CCL24: variants seen among roughly 807,000 people sequenced by gnomAD.
CCL24 encodes C-C motif chemokine 24.
CCL24 carries 6 observed loss-of-function variants against 8.6 expected under a neutral mutation model. The observed-to-expected ratio is 0.70, with a 90% CI of 0.38 to 1.38. CCL24 has a LOEUF of 1.38. Ranked by LOEUF, CCL24 falls within the 40% of genes most tolerant of loss-of-function variation. The pLI, the probability that CCL24 is intolerant of heterozygous loss-of-function variation, is 0.02. For synonymous variants in CCL24, 59 were observed against 52.7 expected (o/e 1.12, Z -0.52); for missense variants, 126 against 147.1 (o/e 0.86, Z 0.74).
intron 2 of CCL24, among the ~76,000 whole-genome samples, 179 bp downstream of exon 2, chr7:75,813,127 T>TA (rs1803810465): frequency 1.3e-5 from 2 of 151,802 alleles, no homozygotes; most frequent in Non-Finnish European, 2.9e-5. Context: ...AAAATGAAAT[T>TA]AAAAAAATAA....
chr7:75,820,018 A>ACGTCTTCTT (rs1230617445), intron 1 of CCL24, among the ~76,000 whole-genome samples: 10,172 of 105,118 alleles, frequency 0.097, 1,052 homozygotes, highest in Middle Eastern at 0.2. Context: ...TTAGTAAACT[A>ACGTCTTCTT]CTTCTTCTTC....
At chr7:75,815,775 G>A (rs1803876924), upstream of CCL24, among the ~76,000 whole-genome samples, 1 of 152,152 alleles carries the variant, frequency 6.6e-6, no homozygotes, top group Non-Finnish European at 1.5e-5. Context: ...GTGGCTGACT[G>A]CCACGGAGGC....
rs782724968 is a variant in CCL24, at chr7:75,811,928, G to T, written c.228C>A (p.Asp76Glu). The T allele has an allele frequency of 6.2e-6, 10 of 1,610,620 alleles. No homozygotes were observed. The South Asian group carries it at 9.9e-5, about 16-fold the overall frequency. ...ACCTCTGGACCCACTCCTGCTTGGG[G>T]TCGCCACAGAACTGCTGGCCCTTCT... The part of the protein sequence containing the change: ...TTKKGQQFCG[D>E]PKQEWVQRYM... The change falls in exon 3 of 3, where the codon GAC becomes GAA. Residue 76 changes from aspartate to glutamate, a missense_variant. Coordinates refer to ENST00000222902, the MANE Select transcript of CCL24 (RefSeq NM_002991.3).
At chr7:75,816,815 G>A (rs368777356), upstream of CCL24, among the ~76,000 whole-genome samples, 8 of 145,642 alleles carry the variant, frequency 5.5e-5, no homozygotes, top group East Asian at 1.6e-3. Flanking sequence ...ACCCACCTCG[G>A]CCCCCCAACG....
chr7:75,816,705 G>A (rs1803898778), upstream of CCL24, among the ~76,000 whole-genome samples: 1 of 151,520 alleles, frequency 6.6e-6, no homozygotes, highest in Admixed American at 6.6e-5. Flanking sequence ...GAGATTACAG[G>A]CACCCACCAT....
upstream of CCL24, among the ~76,000 whole-genome samples, chr7:75,816,020 A>G (rs112883923): frequency 6.1e-3 from 933 of 152,232 alleles, 10 homozygotes; most frequent in African/African-American, 0.016. Context: ...CACCGATGTA[A>G]GACCCACACA....
intron 1 of CCL24, among the ~76,000 whole-genome samples, chr7:75,820,004 G>A (rs1334254772): frequency 7.4e-6 from 1 of 135,362 alleles, no homozygotes; most frequent in East Asian, 2.2e-4. Context: ...GGATGTAAGG[G>A]CTTTTAGTAA....
Position 75,811,719 on chromosome 7 carries a change from A to C in CCL24, c.*77T>G, listed in dbSNP as rs903910519. ...AGGAAAATTAGCTCTTCCCCCCATCACTGTGGCTTCTCCAGGCCCCGAGTA... is the reference window on the plus strand; with the variant it reads ...AGGAAAATTAGCTCTTCCCCCCATCCCTGTGGCTTCTCCAGGCCCCGAGTA... On this transcript the variant is annotated 3_prime_UTR_variant, in exon 3 of 3. Transcript: ENST00000222902. The C allele has an allele frequency of 7.6e-7, 1 of 1,318,598 alleles. No homozygotes were observed. The highest frequency in any genetic ancestry group is 1.1e-6 in the Non-Finnish European group (1 of 951,114). The allele number at this position is 1,318,598 out of a possible 1,614,324, so 81.7% of individuals were successfully genotyped here. A position where few individuals can be genotyped will look rare whatever the true frequency, so the allele number is the denominator to read the frequency against.
intron 1 of CCL24, among the ~76,000 whole-genome samples, chr7:75,819,004 C>T (rs1042654640): frequency 4.0e-5 from 6 of 150,908 alleles, no homozygotes; most frequent in Non-Finnish European, 8.9e-5. Context: ...GGCCAGGGCT[C>T]ACGCTTGTAA....
chr7:75,818,751 CT>C (rs368070484), upstream of CCL24, among the ~76,000 whole-genome samples: 64 of 152,132 alleles, frequency 4.2e-4, no homozygotes, highest in African/African-American at 1.5e-3. Context: ...CTTAGAACCC[CT>C]GATGGCTCCA....
At chr7:75,814,696 C>T (rs1466607276), upstream of CCL24, among the ~76,000 whole-genome samples, 1 of 152,058 alleles carries the variant, frequency 6.6e-6, no homozygotes, top group Non-Finnish European at 1.5e-5. Context: ...CGCCTGTACC[C>T]TCAAGTTGCC....
chr7:75,814,585 A>G (rs1554533869), upstream of CCL24, among the ~76,000 whole-genome samples: 1 of 151,232 alleles, frequency 6.6e-6, no homozygotes, highest in East Asian at 2.0e-4. Flanking sequence ...TCAATCAACC[A>G]ATCAATCAAT....
At chr7:75,817,689 G>T (rs1554534344), upstream of CCL24, among the ~76,000 whole-genome samples, 1 of 151,416 alleles carries the variant, frequency 6.6e-6, no homozygotes, top group Non-Finnish European at 1.5e-5. Flanking sequence ...TTTTAGTAAA[G>T]ATGGGATTTC....
Position 75,811,555 on chromosome 7 carries a change from G to T in CCL24, c.*241C>A. 2.4e-6 allele frequency: 1 copy of T among 414,540 alleles called. No homozygotes were observed. The highest frequency in any genetic ancestry group is 4.3e-6 in the Non-Finnish European group (1 of 233,662). The allele number at this position is 414,540 out of a possible 1,614,324, so 25.7% of individuals were successfully genotyped here. A position where few individuals can be genotyped will look rare whatever the true frequency, so the allele number is the denominator to read the frequency against. On this transcript the variant is annotated 3_prime_UTR_variant, in exon 3 of 3. Coordinates refer to ENST00000222902, the MANE Select transcript of CCL24 (RefSeq NM_002991.3). Reference sequence around the variant, plus strand: ...AAAGAGTTGCCACTGCTCTCCTTCTGGGATCTTCTCACCCAGCTCCAGAAA... The same window carrying T: ...AAAGAGTTGCCACTGCTCTCCTTCTTGGATCTTCTCACCCAGCTCCAGAAA...
rs930187371 is a variant in CCL24, at chr7:75,811,672, C to T, written c.*124G>A. 1.2e-6 allele frequency: 1 copy of T among 844,196 alleles called. No individual in the cohort carries two copies. Among genetic ancestry groups the T allele is most frequent in the Non-Finnish European group, 1.8e-6 (1 of 550,540 alleles). 52.3% of individuals were successfully genotyped at this position (844,196 alleles called of 1,614,324 possible). A position where few individuals can be genotyped will look rare whatever the true frequency, so the allele number is the denominator to read the frequency against. On this transcript the variant is annotated 3_prime_UTR_variant, in exon 3 of 3. Transcript: ENST00000222902. ...GGTTTTTCATAGAAGAGACACATCC[C>T]TGGAGAGTGTTGCTAAGAAACAGGA... is the stretch of plus-strand genomic sequence containing the variant.
chr7:75,811,870 C>A lies in CCL24; in HGVS notation c.286G>T (p.Ala96Ser), dbSNP rs558869841. The A allele has an allele frequency of 2.1e-5, 34 of 1,612,352 alleles. 1 individual carries two copies. The South Asian group carries it at 3.7e-4, about 18-fold the overall frequency. Residue 96 changes from alanine to serine, a missense_variant, in exon 3 of 3, where the codon GCT becomes TCT. Transcript: ENST00000222902. ...MKNLDAKQKK[A>S]SPRARAVAVK... ...GCCACTGCCCTGGCCCTAGGGGAAG[C>A]CTTCTTCTGCTTGGCGTCCAGGTTC... is the stretch of plus-strand genomic sequence containing the variant.
rs1230617445 is a variant in CCL24, at chr7:75,820,018, A to ACGTCTTCTTCTTCTTCTTCTT, written c.-60+3303_-60+3304insAAGAAGAAGAAGAAGAAGACG. Among the ~76,000 whole-genome samples the ACGTCTTCTTCTTCTTCTTCTT allele has an allele frequency of 1.6e-3, 173 of 104,888 alleles. 9 individuals are homozygous for ACGTCTTCTTCTTCTTCTTCTT. Among genetic ancestry groups the ACGTCTTCTTCTTCTTCTTCTT allele is most frequent in the South Asian group, 3.8e-3 (11 of 2,872 alleles). The allele number at this position is 104,888 out of a possible 152,430, so 68.8% of individuals were successfully genotyped here. A position where few individuals can be genotyped will look rare whatever the true frequency, so the allele number is the denominator to read the frequency against. Reference sequence around the variant, plus strand: ...CGGATGTAAGGGCTTTTAGTAAACTACTTCTTCTTCTTCTTCTTCTTCTTC... The same window carrying ACGTCTTCTTCTTCTTCTTCTT: ...CGGATGTAAGGGCTTTTAGTAAACTACGTCTTCTTCTTCTTCTTCTTCTTCTTCTTCTTCTTCTTCTTCTTC... On this transcript the variant is annotated intron_variant, in intron 1 of 3. Transcript: ENST00000416943.
chr7:75,820,653 C>T lies in CCL24; in HGVS notation c.-60+2669G>A, dbSNP rs550280977. ...CCCACCCACCCATCTACCCACTCATCCACCCATCTATCCATCATCCATCCA... is the reference window on the plus strand; with the variant it reads ...CCCACCCACCCATCTACCCACTCATTCACCCATCTATCCATCATCCATCCA... On this transcript the variant is annotated intron_variant, in intron 1 of 3. Coordinates refer to the CCL24 transcript ENST00000416943. Among the ~76,000 whole-genome samples, 530 of 142,332 alleles carry T rather than the reference C, an allele frequency of 3.7e-3. 5 individuals are homozygous for T. The highest frequency in any genetic ancestry group is 5.8e-3 in the Non-Finnish European group (381 of 65,166). 93.4% of individuals were successfully genotyped at this position (142,332 alleles called of 152,430 possible). A position where few individuals can be genotyped will look rare whatever the true frequency, so the allele number is the denominator to read the frequency against.
At chr7:75,820,081 TCTTCTTCCTCTTCTTCTTCTTCTTC>T (rs1554534830) in intron 1 of CCL24, among the ~76,000 whole-genome samples, 4 of 142,466 alleles carry the variant, frequency 2.8e-5, no homozygotes, top group Non-Finnish European at 6.1e-5. Flanking sequence ...TTCTTCTTCT[TCTTCTTCCTCTTCTTCTTCTTCTTC>T]CTTCTTCTTC....
Sources: allele counts gnomAD v4.1 joint callset (sites outside exome capture counted in the v4.1 genomes callset), GRCh38; gene constraint gnomAD v4.1.1; transcripts MANE v1.5; gene names NCBI Gene and HGNC (gene_info 2026-07-23, HGNC 2026-07-21).